Variants in PIK3R6 observed in about 807,000 individuals in gnomAD.
PIK3R6 encodes phosphoinositide 3-kinase regulatory subunit 6.
In PIK3R6, 91 loss-of-function variants were observed where a neutral mutation model predicts 84.9. The ratio of observed to expected loss-of-function variants is 1.07; its 90% confidence interval spans 0.90 to 1.28. The LOEUF (loss-of-function observed/expected upper bound fraction) is 1.28, where lower values mean the gene tolerates loss of function less well. Among genes scored for constraint, PIK3R6 ranks in the 50% most tolerant of loss-of-function variants. The pLI, the probability that PIK3R6 is intolerant of heterozygous loss-of-function variation, is 0.00. For missense variants in PIK3R6, 996 were observed against 985.1 expected, an observed-to-expected ratio of 1.01 and a Z score of -0.15; for synonymous variants, 416 against 411.4, an observed-to-expected ratio of 1.01 and a Z score of -0.13.
intron 9 of PIK3R6, 43 bp downstream of exon 9, chr17:8,832,846 C>G: frequency 6.2e-7 from 1 of 1,610,948 alleles, no homozygotes; most frequent in South Asian, 1.1e-5. Flanking sequence ...TGAGCTGCCC[C>G]CGCGGGACTC....
intron 2 of PIK3R6, among the ~76,000 whole-genome samples, chr17:8,848,128 C>T (rs1424799248): frequency 6.6e-6 from 1 of 152,172 alleles, no homozygotes; most frequent in Non-Finnish European, 1.5e-5. Flanking sequence ...TCCAAGGACA[C>T]TGTCTATCTC....
intron 18 of PIK3R6, among the ~76,000 whole-genome samples, chr17:8,815,032 C>T (rs2087484994): frequency 1.3e-5 from 2 of 152,180 alleles, no homozygotes; most frequent in Admixed American, 6.5e-5. Context: ...GAAATCCAGA[C>T]AGAATCGACA....
intron 1 of PIK3R6, among the ~76,000 whole-genome samples, chr17:8,850,994 T>A (rs1410679672): frequency 6.6e-6 from 1 of 151,904 alleles, no homozygotes; most frequent in Non-Finnish European, 1.5e-5. Context: ...TTCTGATAAG[T>A]TTTTTCAAAC....
chr17:8,806,821 A>G (rs143087013), intron 18 of PIK3R6, among the ~76,000 whole-genome samples: 1 of 152,268 alleles, frequency 6.6e-6, no homozygotes, highest in Non-Finnish European at 1.5e-5. Flanking sequence ...CCCCCATGCC[A>G]TTCTTCAAGC....
rs1343226879 is a variant in PIK3R6, at chr17:8,828,968, G to C, written c.912C>G (p.Leu304=). ...EQLWKELVLF[L]RPRSQLRLSA... ...TGAGGCGCAGCTGGGATCTTGGGCG[G>C]AGGAAGAGCACCAGTTCCTTCCCTG... Residue 304 remains leucine (L), a synonymous_variant, in exon 11 of 20, where the codon CTC becomes CTG. Transcript: ENST00000619866. 3 of 1,500,600 alleles carry C rather than the reference G, an allele frequency of 2.0e-6. No homozygotes were observed. Among genetic ancestry groups the C allele is most frequent in the Non-Finnish European group, 8.9e-7 (1 of 1,124,796 alleles). The allele number at this position is 1,500,600 out of a possible 1,614,324, so 93.0% of individuals were successfully genotyped here. A position where few individuals can be genotyped will look rare whatever the true frequency, so the allele number is the denominator to read the frequency against.
In PIK3R6 at chr17:8,839,550, G is replaced by T; in HGVS notation, c.97+64C>A. 7.4e-7 allele frequency: 1 copy of T among 1,355,308 alleles called. No homozygotes were observed. Among genetic ancestry groups the T allele is most frequent in the Non-Finnish European group, 1.0e-6 (1 of 976,518 alleles). 84.0% of individuals were successfully genotyped at this position (1,355,308 alleles called of 1,614,324 possible). A position where few individuals can be genotyped will look rare whatever the true frequency, so the allele number is the denominator to read the frequency against. ...CCGGGGCTCTTTCCTGTATGCGCGTGTATTGTTGGCTGGGGTTGGGTGGAG... is the reference window on the plus strand; with the variant it reads ...CCGGGGCTCTTTCCTGTATGCGCGTTTATTGTTGGCTGGGGTTGGGTGGAG... On this transcript the variant is annotated intron_variant, in intron 3 of 19. Transcript: ENST00000619866. The surrounding 1 kb of genome is among the most constrained non-coding windows in gnomAD (Gnocchi z 4.2).
chr17:8,849,556 C>T (rs1033493097), intron 2 of PIK3R6, among the ~76,000 whole-genome samples: 1 of 152,214 alleles, frequency 6.6e-6, no homozygotes, highest in African/African-American at 2.4e-5. Context: ...GTCATTATTC[C>T]CATTGTCAAG....
intron 2 of PIK3R6, among the ~76,000 whole-genome samples, chr17:8,840,530 T>C (rs2088643242): frequency 6.8e-6 from 1 of 147,264 alleles, no homozygotes; most frequent in African/African-American, 2.5e-5. Context: ...AATATATATA[T>C]GGCCTCCAAA....
At chr17:8,838,953 G>A (rs2088581194) in intron 3 of PIK3R6, among the ~76,000 whole-genome samples, 1 of 152,236 alleles carries the variant, frequency 6.6e-6, no homozygotes, top group African/African-American at 2.4e-5. Context: ...GAGCAGCAGT[G>A]CTTGCAGGTG....
chr17:8,863,109 G>C (rs2089320013), intron 1 of PIK3R6, among the ~76,000 whole-genome samples: 1 of 152,120 alleles, frequency 6.6e-6, no homozygotes, highest in Non-Finnish European at 1.5e-5. Flanking sequence ...AGTGCTATAA[G>C]AATAAAGTTG....
At position 8,803,472 on chromosome 17, in the gene PIK3R6, A is replaced by C; in HGVS notation, c.2109-43T>G. On this transcript the variant is annotated intron_variant, in intron 19 of 19. Coordinates refer to ENST00000619866, the MANE Select transcript of PIK3R6 (RefSeq NM_001010855.4). The surrounding 1 kb of genome is among the most constrained non-coding windows in gnomAD (Gnocchi z 5.0). Reference sequence around the variant, plus strand: ...CCAGCTCAGGTGACCCATCTGAGGGATCAGATTGCCTAGGGCATTTGAAAG... The same window carrying C: ...CCAGCTCAGGTGACCCATCTGAGGGCTCAGATTGCCTAGGGCATTTGAAAG... The C allele has an allele frequency of 1.3e-6, 2 of 1,549,782 alleles. No homozygotes were observed. The highest frequency in any genetic ancestry group is 1.7e-6 in the Non-Finnish European group (2 of 1,146,102).
At chr17:8,825,024 T>G (rs1351781089) in intron 13 of PIK3R6, among the ~76,000 whole-genome samples, 1 of 152,210 alleles carries the variant, frequency 6.6e-6, no homozygotes, top group Non-Finnish European at 1.5e-5. Flanking sequence ...TGTGTATAAG[T>G]CAATAGCTTT....
rs1278400721 is a variant in PIK3R6, at chr17:8,842,044, C to T, written c.14-2347G>A. Among the ~76,000 whole-genome samples, 1 of 152,124 alleles carries T rather than the reference C, an allele frequency of 6.6e-6. No homozygotes were observed. Among genetic ancestry groups the T allele is most frequent in the Non-Finnish European group, 1.5e-5 (1 of 68,022 alleles). Reference sequence around the variant, plus strand: ...CCCGGCACCTTCCCCCTCTCTCTTGCTTCATCTCTCAGCATGTGATCTGTA... The same window carrying T: ...CCCGGCACCTTCCCCCTCTCTCTTGTTTCATCTCTCAGCATGTGATCTGTA... On this transcript the variant is annotated intron_variant, in intron 2 of 19. Transcript: ENST00000619866. The surrounding 1 kb of genome is among the most constrained non-coding windows in gnomAD (Gnocchi z 4.5).
At chr17:8,841,497 C>T (rs951395558) in intron 2 of PIK3R6, among the ~76,000 whole-genome samples, 5 of 152,140 alleles carry the variant, frequency 3.3e-5, no homozygotes, top group Admixed American at 6.5e-5. Context: ...AAGAATGTCC[C>T]GACCCTTGAT....
intron 2 of PIK3R6, among the ~76,000 whole-genome samples, chr17:8,840,810 T>G (rs2088654058): frequency 6.6e-6 from 1 of 151,738 alleles, no homozygotes. Flanking sequence ...TGGAGTGCAG[T>G]GGCGCAATCT....
At chr17:8,829,140 C>T (rs556406050) in intron 10 of PIK3R6, 150 bp from the exon 11 acceptor site, 15 of 707,398 alleles carry the variant, frequency 2.1e-5, no homozygotes, top group Middle Eastern at 3.9e-4. Context: ...GAGACTCACA[C>T]ACAGAGACAC....
At chr17:8,851,372 T>C (rs1330619340) in intron 1 of PIK3R6, among the ~76,000 whole-genome samples, 2 of 151,406 alleles carry the variant, frequency 1.3e-5, no homozygotes, top group Non-Finnish European at 2.9e-5. Flanking sequence ...GGTGGGCGCC[T>C]GTAGTCCCAG....
rs116720563 is a variant in PIK3R6 at position 8,824,647 on chromosome 17, A to G, written c.1516-1150T>C. On this transcript the variant is annotated intron_variant, in intron 13 of 19. Transcript: ENST00000619866. ...ATTCAAATTGTTAATTACAAGGAGAAGGGGAAAACCAAAACCTTACAGTGT... is the reference window on the plus strand; with the variant it reads ...ATTCAAATTGTTAATTACAAGGAGAGGGGGAAAACCAAAACCTTACAGTGT... Among the ~76,000 whole-genome samples, 1,250 of 152,354 alleles carry G rather than the reference A, an allele frequency of 8.2e-3. 17 individuals carry two copies. Among genetic ancestry groups the G allele is most frequent in the African/African-American group, 0.028 (1,158 of 41,580 alleles).
At chr17:8,854,934 C>A (rs868591160) in intron 1 of PIK3R6, among the ~76,000 whole-genome samples, 1 of 152,328 alleles carries the variant, frequency 6.6e-6, no homozygotes, top group Middle Eastern at 3.4e-3. Context: ...TGGCTCACAC[C>A]TGTAATCCCA....
Sources: allele counts gnomAD v4.1 joint callset (sites outside exome capture counted in the v4.1 genomes callset), GRCh38; gene constraint gnomAD v4.1.1; non-coding constraint Gnocchi (gnomAD v3.1); transcripts MANE v1.5; gene names NCBI Gene and HGNC (gene_info 2026-07-23, HGNC 2026-07-21).